Variants in PPDPFL observed in about 807,000 individuals in gnomAD.
PPDPFL encodes the protein pancreatic progenitor cell differentiation and proliferation factor-like protein.
A neutral mutation model predicts 12.6 loss-of-function variants in PPDPFL; 12 were observed. The ratio of observed to expected loss-of-function variants is 0.95; its 90% CI spans 0.61 to 1.54. PPDPFL has a LOEUF of 1.54. Among genes scored for constraint, PPDPFL ranks in the 40% most tolerant of loss-of-function variants. The probability of loss-of-function intolerance (pLI) is 0.00; values close to 1 mark genes in which losing one functional copy is unlikely to be tolerated. For synonymous variants in PPDPFL, 24 were observed against 32.7 expected (o/e 0.73, Z 0.91); for missense variants, 114 against 96.0 (o/e 1.19, Z -0.78).
intron 1 of PPDPFL, among the ~76,000 whole-genome samples, chr8:49,057,464 A>G (rs1808129256): frequency 6.6e-6 from 1 of 152,202 alleles, no homozygotes; most frequent in African/African-American, 2.4e-5. Context: ...ATTAAAGATT[A>G]TATTTTACAA....
chr8:49,074,148 T>G lies in PPDPFL; in HGVS notation c.133+12T>G, dbSNP rs767519218. Reference sequence around the variant, plus strand: ...CAAACCACAGCAAGGTACTTAGTTATTTCTTTCAGTGTCATCCTTATTATT... The same window carrying G: ...CAAACCACAGCAAGGTACTTAGTTAGTTCTTTCAGTGTCATCCTTATTATT... On this transcript the variant is annotated intron_variant, in intron 3 of 4. Transcript: ENST00000522267. The G allele has an allele frequency of 3.1e-6, 5 of 1,607,272 alleles. No homozygotes were observed. The highest frequency in any genetic ancestry group is 4.3e-6 in the Non-Finnish European group (5 of 1,173,882).
chr8:49,060,682 A>G (rs916483429), intron 1 of PPDPFL, among the ~76,000 whole-genome samples: 4 of 152,132 alleles, frequency 2.6e-5, no homozygotes, highest in Non-Finnish European at 5.9e-5. Flanking sequence ...GCGGAAAAAA[A>G]TGACTGTGTG....
intron 1 of PPDPFL, among the ~76,000 whole-genome samples, chr8:49,056,624 G>C (rs770164471): frequency 1.1e-4 from 17 of 152,182 alleles, no homozygotes; most frequent in Non-Finnish European, 1.9e-4. Context: ...TATCTGTGCA[G>C]TGAGCCTGCC....
At chr8:49,067,618 A>C (rs1442669286), upstream of PPDPFL, among the ~76,000 whole-genome samples, 1 of 152,230 alleles carries the variant, frequency 6.6e-6, no homozygotes, top group South Asian at 2.1e-4. Context: ...CAGCAATCTG[A>C]TATCTATTTA....
At chr8:49,074,894 A>G in intron 4 of PPDPFL, 1 of 1,389,664 alleles carries the variant, frequency 7.2e-7, no homozygotes, top group East Asian at 2.6e-5. Context: ...AATGGAATAG[A>G]AAGAATCTAT....
At position 49,075,137 on chromosome 8, in the gene PPDPFL, A is replaced by G. The variant is rs770107486; in HGVS notation, c.234-15A>G. The G allele has an allele frequency of 1.2e-6, 2 of 1,612,826 alleles. No homozygotes were observed. Among genetic ancestry groups the G allele is most frequent in the Non-Finnish European group, 1.7e-6 (2 of 1,179,336 alleles). ...ATTTATCCCCTCCTCTCTGACTACT[A>G]TAAAATCAACCCAGATTACAGATGA... On this transcript the variant is annotated splice_polypyrimidine_tract_variant and intron_variant, in intron 4 of 4. Transcript: ENST00000522267.
At chr8:49,067,391 G>A (rs1050505826), upstream of PPDPFL, among the ~76,000 whole-genome samples, 1 of 152,176 alleles carries the variant, frequency 6.6e-6, no homozygotes, top group Non-Finnish European at 1.5e-5. Context: ...TGAATATCAT[G>A]ACACACTTAA....
chr8:49,058,916 C>T (rs888795456), intron 1 of PPDPFL, among the ~76,000 whole-genome samples: 1 of 152,184 alleles, frequency 6.6e-6, no homozygotes, highest in South Asian at 2.1e-4. Context: ...TTATCTCCAC[C>T]AATTGGACTA....
At chr8:49,065,525 A>T (rs1808280652) in intron 1 of PPDPFL, among the ~76,000 whole-genome samples, 1 of 152,250 alleles carries the variant, frequency 6.6e-6, no homozygotes, top group Non-Finnish European at 1.5e-5. Flanking sequence ...TCATATTTGC[A>T]TGATGGGCAA....
chr8:49,064,014 C>A (rs1460674985), intron 1 of PPDPFL, among the ~76,000 whole-genome samples: 1 of 152,168 alleles, frequency 6.6e-6, no homozygotes, highest in Non-Finnish European at 1.5e-5. Context: ...GTTGGTCATG[C>A]AGGCATAGAG....
intron 4 of PPDPFL, 109 bp downstream of exon 4, chr8:49,074,442 C>A: frequency 6.4e-7 from 1 of 1,551,896 alleles, no homozygotes; most frequent in Non-Finnish European, 8.7e-7. Flanking sequence ...CTCTTGAGAG[C>A]AGTGAGCCTT....
chr8:49,059,214 G>A (rs766757880), intron 1 of PPDPFL, among the ~76,000 whole-genome samples: 13 of 152,166 alleles, frequency 8.5e-5, no homozygotes, highest in Admixed American at 3.3e-4. Flanking sequence ...TATATATTCC[G>A]TGTGATGTGG....
At chr8:49,073,831 G>A (rs1808438392) in intron 2 of PPDPFL, among the ~76,000 whole-genome samples, 1 of 152,166 alleles carries the variant, frequency 6.6e-6, no homozygotes, top group African/African-American at 2.4e-5. Flanking sequence ...AGGAGAGAGT[G>A]AGTTTCCTGC....
chr8:49,066,622 G>A (rs1443553100), intron 1 of PPDPFL, among the ~76,000 whole-genome samples: 1 of 152,142 alleles, frequency 6.6e-6, no homozygotes, highest in Non-Finnish European at 1.5e-5. Context: ...CCAAGAAGAA[G>A]GAGGGCAATA....
intron 1 of PPDPFL, among the ~76,000 whole-genome samples, chr8:49,067,302 T>C (rs946670218): frequency 6.6e-6 from 1 of 152,210 alleles, no homozygotes; most frequent in Non-Finnish European, 1.5e-5. Context: ...GTTTATAGAG[T>C]ACATGCTACA....
chr8:49,054,720 AG>A (rs149115682), intron 1 of PPDPFL, among the ~76,000 whole-genome samples: 46,189 of 151,898 alleles, frequency 0.3, 7,576 homozygotes, highest in Non-Finnish European at 0.36. Context: ...TCACAGTGGG[AG>A]GAAATTAAAG....
chr8:49,060,737 A>G (rs577580421), intron 1 of PPDPFL, among the ~76,000 whole-genome samples: 9 of 152,208 alleles, frequency 5.9e-5, no homozygotes, highest in South Asian at 2.1e-4. Context: ...AAAAGTTGCA[A>G]TGCATCCATT....
intron 1 of PPDPFL, among the ~76,000 whole-genome samples, chr8:49,064,757 G>A (rs1409073614): frequency 6.6e-6 from 1 of 152,204 alleles, no homozygotes; most frequent in African/African-American, 2.4e-5. Context: ...TTTCATAGAC[G>A]AGGATCTGAG....
At chr8:49,055,795 C>A (rs1197372574) in intron 1 of PPDPFL, among the ~76,000 whole-genome samples, 1 of 151,984 alleles carries the variant, frequency 6.6e-6, no homozygotes. Context: ...TGTTGTCAGT[C>A]TCTCCTTTAC....
Sources: allele counts gnomAD v4.1 joint callset (sites outside exome capture counted in the v4.1 genomes callset), GRCh38; gene constraint gnomAD v4.1.1; transcripts MANE v1.5; gene names NCBI Gene and HGNC (gene_info 2026-07-23, HGNC 2026-07-21).